COL6A2: variants seen among roughly 807,000 people sequenced by gnomAD.
The protein encoded by COL6A2 is collagen type VI alpha 2 chain.
In COL6A2, 90 loss-of-function variants were observed where a neutral mutation model predicts 124.9. The ratio of observed to expected loss-of-function variants is 0.72; its 90% CI spans 0.61 to 0.86. COL6A2 has a LOEUF of 0.86. Ranked by LOEUF, COL6A2 falls within the 40% of genes least tolerant of loss-of-function variation. The pLI is 0.00. For synonymous variants in COL6A2, 793 were observed against 618.2 expected (o/e 1.28, Z -4.19); for missense variants, 1,607 against 1,502.5 (o/e 1.07, Z -1.15).
intron 27 of COL6A2, chr21:46,129,828 G>A (rs2078737421): frequency 9.0e-7 from 1 of 1,109,124 alleles, no homozygotes; most frequent in South Asian, 3.3e-5. Context: ...CTTCTTTGCT[G>A]CATCAGGTCA....
At chr21:46,130,180 A>G (rs1271953930) in intron 27 of COL6A2, among the ~76,000 whole-genome samples, 1 of 152,180 alleles carries the variant, frequency 6.6e-6, no homozygotes, top group East Asian at 1.9e-4. Flanking sequence ...AGTAGGGCGA[A>G]TGGCCACAGC....
chr21:46,122,360 C>T, intron 19 of COL6A2, 136 bp from the exon 20 acceptor site: 1 of 1,328,994 alleles, frequency 7.5e-7, no homozygotes. Context: ...GAGCACAGCT[C>T]AGAACGCAGC....
Position 46,132,391 on chromosome 21 carries a change from C to G in COL6A2, c.2899C>G (p.Gln967Glu). The G allele has an allele frequency of 3.1e-6, 5 of 1,609,592 alleles. No individual in the cohort carries two copies. The highest frequency in any genetic ancestry group is 4.2e-6 in the Non-Finnish European group (5 of 1,179,266). Reference protein sequence around the residue: ...LHESAHSMRKQNVVPTVLALG... With the variant: ...LHESAHSMRKENVVPTVLALG... ...CGAGTCGGCGCACTCCATGCGCAAG[C>G]AGAACGTGGTACCCACCGTGCTGGC... The change falls in exon 28 of 28, where the codon CAG becomes GAG. Residue 967 changes from glutamine to glutamate, a missense_variant. Transcript: ENST00000300527.
rs534314560 is a variant in COL6A2 at position 46,130,490 on chromosome 21, T to G, written c.2462-1464T>G. 2.0e-5 allele frequency among the ~76,000 whole-genome samples: 3 copies of G among 152,198 alleles called. No homozygotes were observed. The East Asian group carries it at 5.8e-4, about 29-fold the overall frequency. On this transcript the variant is annotated intron_variant, in intron 27 of 27. Coordinates refer to ENST00000300527, the MANE Select transcript of COL6A2 (RefSeq NM_001849.4). ...GCCAGGTTCTCGTCCCCACACCCAC[T>G]GCACAGGGCAGGCCAGGCTGGTCTT...
At position 46,116,920 on chromosome 21, in the gene COL6A2, C is replaced by A; in HGVS notation, c.999+106C>A. ...ATCTGTCAGCTTACACATGTGTACA[C>A]ACGCATACACACACACACACACACA... On this transcript the variant is annotated intron_variant, in intron 10 of 27. Coordinates refer to ENST00000300527, the MANE Select transcript of COL6A2 (RefSeq NM_001849.4). The surrounding 1 kb of genome is among the most constrained non-coding windows in gnomAD (Gnocchi z 4.6). 2.3e-6 allele frequency: 2 copies of A among 884,288 alleles called. No individual in the cohort carries two copies. The highest frequency in any genetic ancestry group is 3.5e-6 in the Non-Finnish European group (2 of 574,094). The allele number at this position is 884,288 out of a possible 1,614,324, so 54.8% of individuals were successfully genotyped here. A position where few individuals can be genotyped will look rare whatever the true frequency, so the allele number is the denominator to read the frequency against.
intron 20 of COL6A2, 26 bp downstream of exon 20, chr21:46,122,557 G>A (rs1168788498): frequency 1.2e-6 from 2 of 1,612,010 alleles, no homozygotes; most frequent in African/African-American, 1.3e-5. Flanking sequence ...GGCCACCTGT[G>A]CCCACCCAGG....
In COL6A2 at chr21:46,132,566, GC is replaced by G. The variant is rs781251829; in HGVS notation, c.*18del. The G allele has an allele frequency of 5.3e-5, 84 of 1,582,362 alleles. No individual in the cohort carries two copies. The African/African-American group carries it at 9.7e-4, about 18-fold the overall frequency. ...TGGATCTGCTAGCGCCGCCGCCCGG[GC>G]CCCGCAGTCGAGGGTCGTGAGCCCA... On this transcript the variant is annotated 3_prime_UTR_variant, in exon 28 of 28. Transcript: ENST00000300527.
Position 46,129,390 on chromosome 21 carries a change from G to A in COL6A2, c.2462-2564G>A, listed in dbSNP as rs528384133. The A allele has an allele frequency of 1.8e-4, 289 of 1,612,978 alleles. No individual in the cohort carries two copies. The South Asian group carries it at 2.8e-3, about 15-fold the overall frequency. On this transcript the variant is annotated intron_variant, in intron 27 of 27. Coordinates refer to ENST00000300527, the MANE Select transcript of COL6A2 (RefSeq NM_001849.4). ...CGCCGAGCGGGCCAAGTTCGCCACC[G>A]GGGTAGAGCGGCAGGACTGGATGGA...
At position 46,116,518 on chromosome 21, in the gene COL6A2, A is replaced by G; in HGVS notation, c.927+115A>G. The stretch of plus-strand genomic sequence containing the variant: ...TGGGGCACCGGCCTGGTCTTTTCTC[A>G]GTGGTGGCTTTGGGGGCTCCTGGGG... On this transcript the variant is annotated intron_variant, in intron 8 of 27. Coordinates refer to ENST00000300527, the MANE Select transcript of COL6A2 (RefSeq NM_001849.4). The surrounding 1 kb of genome is among the most constrained non-coding windows in gnomAD (Gnocchi z 4.6). 1.3e-6 allele frequency: 2 copies of G among 1,577,976 alleles called. No individual in the cohort carries two copies. The highest frequency in any genetic ancestry group is 1.7e-5 in the Admixed American group (1 of 59,096).
In COL6A2 at chr21:46,118,683, C is replaced by T. The variant is rs374741840; in HGVS notation, c.1179+7C>T. The T allele has an allele frequency of 6.8e-6, 11 of 1,608,394 alleles. No homozygotes were observed. The African/African-American group carries it at 1.1e-4, about 16-fold the overall frequency. On this transcript the variant is annotated splice_region_variant and intron_variant, in intron 13 of 27. Coordinates refer to ENST00000300527, the MANE Select transcript of COL6A2 (RefSeq NM_001849.4). ...CGGGGCCAAGGGAAGCAAGGTGAGCCCCTCTGCCTCTTCGCCTGCAGCTGA... is the reference window on the plus strand; with the variant it reads ...CGGGGCCAAGGGAAGCAAGGTGAGCTCCTCTGCCTCTTCGCCTGCAGCTGA...
intron 27 of COL6A2, among the ~76,000 whole-genome samples, chr21:46,130,705 T>C (rs1400675869): frequency 6.6e-6 from 1 of 152,190 alleles, no homozygotes; most frequent in East Asian, 1.9e-4. Context: ...CTCCATATGT[T>C]TGGTGACAGC....
chr21:46,122,274 C>A, intron 19 of COL6A2, 116 bp downstream of exon 19: 1 of 1,307,350 alleles, frequency 7.6e-7, no homozygotes, highest in Non-Finnish European at 1.1e-6. Flanking sequence ...AGTGTGAGGT[C>A]CCTCCTGCGG....
Position 46,132,258 on chromosome 21 carries a change from G to A in COL6A2, c.2766G>A (p.Val922=), listed in dbSNP as rs557446829. The change falls in exon 28 of 28, where the codon GTG becomes GTA. Residue 922 remains valine (V), a synonymous_variant. Transcript: ENST00000300527. ...NSFSHVGAGV[V]HAINAIVRSP... ...TCTCGCACGTGGGCGCAGGCGTGGTGCACGCCATCAATGCCATCGTGCGCA... is the reference window on the plus strand; with the variant it reads ...TCTCGCACGTGGGCGCAGGCGTGGTACACGCCATCAATGCCATCGTGCGCA... The A allele has an allele frequency of 8.8e-5, 141 of 1,605,874 alleles. 2 individuals are homozygous for A. In the South Asian group the frequency reaches 9.8e-4, roughly 11 times the overall value.
At chr21:46,128,298 C>T (rs1167427162) in intron 27 of COL6A2, among the ~76,000 whole-genome samples, 4 of 152,360 alleles carry the variant, frequency 2.6e-5, no homozygotes, top group East Asian at 1.9e-4. Context: ...TCCTCTCGGC[C>T]GCCCTGACAC....
chr21:46,112,861 C>T (rs1232790982), intron 4 of COL6A2, 37 bp downstream of exon 4: 1 of 1,612,910 alleles, frequency 6.2e-7, no homozygotes, highest in East Asian at 2.2e-5. Flanking sequence ...TGCTGGCCGG[C>T]AGCTGACCCA....
At chr21:46,123,755 G>A (rs1156496350) in intron 21 of COL6A2, among the ~76,000 whole-genome samples, 1 of 134,622 alleles carries the variant, frequency 7.4e-6, no homozygotes, top group Non-Finnish European at 1.8e-5. Flanking sequence ...TGGCTGAATG[G>A]ATGAGTGGGG....
rs957226872 is a variant in COL6A2, at chr21:46,125,447, A to C, written c.1817-18A>C. The stretch of plus-strand genomic sequence containing the variant: ...GAGGTCTCCCCGGTACCCCCCGATG[A>C]CCCTGCCACCCCCCCAGACTGTGAG... On this transcript the variant is annotated intron_variant, in intron 24 of 27. Coordinates refer to ENST00000300527, the MANE Select transcript of COL6A2 (RefSeq NM_001849.4). The C allele has an allele frequency of 6.5e-7, 1 of 1,548,046 alleles. No homozygotes were observed. Among genetic ancestry groups the C allele is most frequent in the Admixed American group, 1.7e-5 (1 of 59,644 alleles).
At chr21:46,129,303 G>C in intron 27 of COL6A2, 1 of 1,612,934 alleles carries the variant, frequency 6.2e-7, no homozygotes. Context: ...GTTGCTAAAC[G>C]CCACGGAGCT....
intron 5 of COL6A2, 25 bp downstream of exon 5, chr21:46,114,098 G>C (rs1264241892): frequency 1.3e-6 from 2 of 1,594,308 alleles, no homozygotes; most frequent in Admixed American, 1.7e-5. Context: ...TTACCTGCAG[G>C]GTCTGCGCTA....
Sources: allele counts gnomAD v4.1 joint callset (sites outside exome capture counted in the v4.1 genomes callset), GRCh38; gene constraint gnomAD v4.1.1; non-coding constraint Gnocchi (gnomAD v3.1); transcripts MANE v1.5; gene names NCBI Gene and HGNC (gene_info 2026-07-23, HGNC 2026-07-21).